Variants in TPRA1 observed in about 807,000 individuals in gnomAD.
TPRA1 encodes the protein transmembrane protein adipocyte associated 1.
TPRA1 carries 28 observed loss-of-function variants against 40.1 expected under a neutral mutation model. That is an observed-to-expected ratio of 0.70 (90% CI 0.52 to 0.96). The LOEUF (loss-of-function observed/expected upper bound fraction) is 0.96. Among genes scored for constraint, TPRA1 ranks in the 40% least tolerant of loss-of-function variants. The probability of loss-of-function intolerance (pLI) is 0.00; values close to 1 mark genes in which losing one functional copy is unlikely to be tolerated. For synonymous variants in TPRA1, 219 were observed against 209.7 expected (o/e 1.04, Z -0.38); for missense variants, 441 against 482.6 (o/e 0.91, Z 0.81).
intron 3 of TPRA1, 148 bp from the exon 4 acceptor site, chr3:127,577,224 G>T (rs2073672642): frequency 1.3e-6 from 1 of 754,378 alleles, no homozygotes; most frequent in South Asian, 1.7e-5. Flanking sequence ...ACACAGGGAG[G>T]TGGGGATCAC....
chr3:127,576,242 G>A lies in TPRA1; in HGVS notation c.499-192C>T, dbSNP rs983611059. The stretch of plus-strand genomic sequence containing the variant: ...CCAACTGATTGCAGCATCCAGAGCC[G>A]GCCCAGTCTTGGGCTGAGTCACATG... On this transcript the variant is annotated intron_variant, in intron 6 of 10. Transcript: ENST00000355552. This position sits in a 1 kb window ranked among gnomAD's most constrained non-coding sequence, Gnocchi z 4.6. 2.0e-5 allele frequency among the ~76,000 whole-genome samples: 3 copies of A among 152,144 alleles called. No individual in the cohort carries two copies. Among genetic ancestry groups the A allele is most frequent in the Non-Finnish European group, 4.4e-5 (3 of 68,028 alleles).
chr3:127,580,148 C>A lies in TPRA1; in HGVS notation c.-2G>T. 6.2e-7 allele frequency: 1 copy of A among 1,611,664 alleles called. No homozygotes were observed. The highest frequency in any genetic ancestry group is 8.5e-7 in the Non-Finnish European group (1 of 1,179,792). On this transcript the variant is annotated 5_prime_UTR_variant, in exon 2 of 11. Transcript: ENST00000355552. ...AGTCACCTCCTCCAGGGTGTCCATC[C>A]CGCCAGCAGCCAGCCCTGGGGGAGT...
intron 10 of TPRA1, 129 bp downstream of exon 10, chr3:127,575,056 G>A (rs981171212): frequency 3.1e-6 from 3 of 968,058 alleles, no homozygotes; most frequent in Non-Finnish European, 4.7e-6. Flanking sequence ...CCAAGTGCAT[G>A]TATGTATGTG....
Position 127,573,595 on chromosome 3 carries a change from T to C in TPRA1, c.1048A>G (p.Ile350Val), listed in dbSNP as rs760442301. 5.0e-6 allele frequency: 8 copies of C among 1,613,028 alleles called. No homozygotes were observed. The highest frequency in any genetic ancestry group is 6.8e-6 in the Non-Finnish European group (8 of 1,179,998). ...CCAGTGTGGCAGGGCATGGAAGCGATGTCATCCAGGTAGGCCACCCCGCCG... is the reference window on the plus strand; with the variant it reads ...CCAGTGTGGCAGGGCATGGAAGCGACGTCATCCAGGTAGGCCACCCCGCCG... ...SAGGVAYLDD[I>V]ASMPCHTGSI... The change falls in exon 11 of 11, where the codon ATC becomes GTC. Residue 350 changes from isoleucine (I) to valine (V), a missense_variant. Physicochemically the swap from Ile to Val is conservative, Grantham distance 29. Coordinates refer to ENST00000355552, the MANE Select transcript of TPRA1 (RefSeq NM_001136053.4).
chr3:127,575,848 C>T (rs1209397900), intron 7 of TPRA1, 39 bp from the exon 8 acceptor site: 1 of 1,612,286 alleles, frequency 6.2e-7, no homozygotes, highest in Non-Finnish European at 8.5e-7. Flanking sequence ...GCTGGGGGCG[C>T]CAGCCCAGAC....
At chr3:127,574,212 C>T (rs2073487479) in intron 10 of TPRA1, among the ~76,000 whole-genome samples, 1 of 152,216 alleles carries the variant, frequency 6.6e-6, no homozygotes, top group Admixed American at 6.5e-5. Context: ...GGCAACTCTC[C>T]AAGGGGGACA....
intron 1 of TPRA1, among the ~76,000 whole-genome samples, chr3:127,597,031 G>T (rs534181826): frequency 6.6e-6 from 1 of 151,984 alleles, no homozygotes. Flanking sequence ...CACGAGAATC[G>T]CTTGAACTTG....
upstream of TPRA1, chr3:127,594,921 G>A (rs996623476): frequency 2.0e-5 from 3 of 152,446 alleles, no homozygotes; most frequent in Admixed American, 6.5e-5. Flanking sequence ...CCCAGCGCTG[G>A]ATGCCTACTG....
upstream of TPRA1, among the ~76,000 whole-genome samples, chr3:127,592,117 C>A (rs1216729916): frequency 6.6e-6 from 1 of 152,194 alleles, no homozygotes; most frequent in Non-Finnish European, 1.5e-5. Flanking sequence ...CCACAATGAG[C>A]CGTGGGGAAT....
rs550282255 is a variant in TPRA1 at position 127,582,896 on chromosome 3, C to A, written c.-17-2733G>T. On this transcript the variant is annotated intron_variant, in intron 1 of 10. Transcript: ENST00000355552. ...CGGTGGCTCACGCCTGTAATCCCAG[C>A]ACTTTGGGAGGCCAAGGCGGGTGGA... 1.7e-3 allele frequency among the ~76,000 whole-genome samples: 264 copies of A among 152,158 alleles called. 1 individual carries two copies. Among genetic ancestry groups the A allele is most frequent in the African/African-American group, 6.1e-3 (252 of 41,514 alleles).
chr3:127,598,206 G>A (rs2074267708), upstream of TPRA1: 1 of 574,444 alleles, frequency 1.7e-6, no homozygotes, highest in Non-Finnish European at 3.1e-6. Flanking sequence ...CTCCGCTCCA[G>A]CTCCCACCAC....
chr3:127,583,145 CAAAA>C (rs745975427), intron 1 of TPRA1, among the ~76,000 whole-genome samples: 1 of 79,956 alleles, frequency 1.3e-5, no homozygotes. Flanking sequence ...GACTCCGTCT[CAAAA>C]AAAAAAAAAA....
chr3:127,577,049 C>A lies in TPRA1; in HGVS notation c.286G>T (p.Ala96Ser), dbSNP rs1437827504. ...ACCGTCATGGATACCACGGCCCGGG[C>A]AATGCCCACCAGCGCCACCACAAAC... Reference protein sequence around the residue: ...LVFVVALVGIARAVVSMTVST... With the variant: ...LVFVVALVGISRAVVSMTVST... The change falls in exon 4 of 11, where the codon GCC (alanine) becomes TCC (serine). Residue 96 changes from alanine (A) to serine (S), a missense_variant. Coordinates refer to ENST00000355552, the MANE Select transcript of TPRA1 (RefSeq NM_001136053.4). The A allele has an allele frequency of 1.9e-6, 3 of 1,613,512 alleles. No homozygotes were observed. The highest frequency in any genetic ancestry group is 2.5e-6 in the Non-Finnish European group (3 of 1,180,028).
At chr3:127,575,059 T>C (rs549558318) in intron 10 of TPRA1, 126 bp downstream of exon 10, 24 of 1,003,340 alleles carry the variant, frequency 2.4e-5, no homozygotes, top group Admixed American at 9.8e-5. Context: ...AGTGCATGTA[T>C]GTATGTGCGT....
chr3:127,588,484 G>A (rs1268338292), intron 1 of TPRA1, among the ~76,000 whole-genome samples: 2 of 149,738 alleles, frequency 1.3e-5, no homozygotes, highest in East Asian at 2.0e-4. Context: ...GCAATGGTGC[G>A]ATCTTGGGTC....
intron 10 of TPRA1, 35 bp from the exon 11 acceptor site, chr3:127,573,823 C>T: frequency 6.6e-7 from 1 of 1,525,184 alleles, no homozygotes. Flanking sequence ...GGAAGCCTCA[C>T]TGAGTGATTC....
chr3:127,591,096 G>C (rs925086635), upstream of TPRA1: 1 of 152,202 alleles, frequency 6.6e-6, no homozygotes, highest in African/African-American at 2.4e-5. Context: ...GGCCGCGGCC[G>C]GACCGTCGGG....
Position 127,583,054 on chromosome 3 carries a change from G to A in TPRA1, c.-17-2891C>T, listed in dbSNP as rs1576384171. On this transcript the variant is annotated intron_variant, in intron 1 of 10. Coordinates refer to ENST00000355552, the MANE Select transcript of TPRA1 (RefSeq NM_001136053.4). ...CCAGCTACCTGGGAGGCTGAGGCAG[G>A]AGAATCCCTTGAACCCGGGAGGCAT... Among the ~76,000 whole-genome samples, 6 of 151,944 alleles carry A rather than the reference G, an allele frequency of 3.9e-5. No individual in the cohort carries two copies. In the South Asian group the frequency reaches 1.2e-3, roughly 32 times the overall value.
At chr3:127,589,701 G>A (rs1015343191) in intron 1 of TPRA1, among the ~76,000 whole-genome samples, 3 of 152,132 alleles carry the variant, frequency 2.0e-5, no homozygotes, top group Non-Finnish European at 4.4e-5. Flanking sequence ...CCTCTGAGAA[G>A]CCTTCCCTTC....
Sources: allele counts gnomAD v4.1 joint callset (sites outside exome capture counted in the v4.1 genomes callset), GRCh38; gene constraint gnomAD v4.1.1; non-coding constraint Gnocchi (gnomAD v3.1); transcripts MANE v1.5; gene names NCBI Gene and HGNC (gene_info 2026-07-23, HGNC 2026-07-21).